Variants in PI4KA observed in about 807,000 individuals in gnomAD.
The protein encoded by PI4KA is phosphatidylinositol 4-kinase alpha, also known as PI4-kinase alpha.
A neutral mutation model predicts 271.4 loss-of-function variants in PI4KA; 122 were observed. The observed-to-expected ratio is 0.45, with a 90% confidence interval of 0.39 to 0.52. The LOEUF is 0.52. PI4KA is among the 20% of genes least tolerant of loss of function. The pLI is 0.00. For missense variants in PI4KA, 1,969 were observed against 2,769.1 expected (o/e 0.71, Z 6.48); for synonymous variants, 1,041 against 1,078.8 (o/e 0.96, Z 0.69).
Position 20,727,255 on chromosome 22 carries a change from AC to A in PI4KA, c.4915del (p.Val1639Ter). On this transcript the variant is annotated frameshift_variant, in exon 41 of 55. Transcript: ENST00000255882. LOFTEE classifies it high-confidence loss of function. The stretch of plus-strand genomic sequence containing the variant: ...CGGAGGGAAGGACCGCAGGACTTTC[AC>A]CCCGTACTGCGCCGTGAGAGGGTGC... The part of the protein sequence containing the change: ...PPHPLTAQYG[V>X]KVLRSFPPDA... 1.2e-6 allele frequency: 2 copies of A among 1,612,998 alleles called. No individual in the cohort carries two copies. The highest frequency in any genetic ancestry group is 2.2e-5 in the South Asian group (2 of 91,014).
intron 28 of PI4KA, 49 bp downstream of exon 28, chr22:20,749,855 TG>T (rs1405440443): frequency 1.8e-6 from 2 of 1,114,696 alleles, no homozygotes; most frequent in Admixed American, 1.7e-5. Flanking sequence ...AAAGCTTTTT[TG>T]GGAGTTTGAA....
At chr22:20,824,732 TCACACACACACACACACACACA>T (rs361914) in intron 3 of PI4KA, among the ~76,000 whole-genome samples, 6 of 136,296 alleles carry the variant, frequency 4.4e-5, no homozygotes, top group Middle Eastern at 3.6e-3. Context: ...ATGTGATAAA[TCACACACACACACACACACACA>T]CACACACACA....
intron 15 of PI4KA, 85 bp downstream of exon 15, chr22:20,799,586 G>A (rs952169226): frequency 5.5e-6 from 5 of 907,750 alleles, no homozygotes; most frequent in African/African-American, 3.3e-5. Flanking sequence ...AAGGACAGAG[G>A]CATGCATACG....
chr22:20,811,850 A>G (rs1921071863), intron 8 of PI4KA, among the ~76,000 whole-genome samples: 1 of 151,862 alleles, frequency 6.6e-6, no homozygotes, highest in South Asian at 2.1e-4. Flanking sequence ...TGTTTCTACT[A>G]AAAATACAAA....
chr22:20,844,835 C>G (rs1386181336), intron 1 of PI4KA, among the ~76,000 whole-genome samples: 2 of 152,148 alleles, frequency 1.3e-5, no homozygotes, highest in Non-Finnish European at 2.9e-5. Flanking sequence ...GAAACAGACA[C>G]AGAGAGGTCA....
Position 20,726,505 on chromosome 22 carries a change from C to G in PI4KA, c.4978G>C (p.Ala1660Pro), listed in dbSNP as rs969455316. ...AGGCTTACCTTGTCGTACCTGAGGG[C>G]CTGCACAATCTGGGGGATGTAGAAG... ...ILFYIPQIVQ[A>P]LRYDKMGYVR... The change falls in exon 42 of 55, where the codon GCC becomes CCC. Residue 1660 changes from alanine (A) to proline (P), a missense_variant. Physicochemically the swap from Ala to Pro is conservative, Grantham distance 27. Around this residue, in one of 13 missense-constraint regions of PI4KA, gnomAD observed 388 missense variants for 521.5 expected, o/e 0.74. Transcript: ENST00000255882. The G allele has an allele frequency of 6.3e-7, 1 of 1,576,392 alleles. No homozygotes were observed. Among genetic ancestry groups the G allele is most frequent in the African/African-American group, 1.4e-5 (1 of 72,128 alleles).
intron 13 of PI4KA, 74 bp downstream of exon 13, chr22:20,803,117 A>G: frequency 6.7e-7 from 1 of 1,497,690 alleles, no homozygotes; most frequent in Non-Finnish European, 9.3e-7. Flanking sequence ...TACAGTCATG[A>G]AACCTGTGTG....
chr22:20,735,483 G>A (rs2147258533), intron 32 of PI4KA, among the ~76,000 whole-genome samples: 1 of 147,752 alleles, frequency 6.8e-6, no homozygotes, highest in South Asian at 2.2e-4. Flanking sequence ...AGGGCTCTCA[G>A]CCAGGGTCCC....
chr22:20,847,561 C>G (rs552664761), intron 1 of PI4KA, among the ~76,000 whole-genome samples: 1 of 152,188 alleles, frequency 6.6e-6, no homozygotes, highest in South Asian at 2.1e-4. Flanking sequence ...CCAAGACCAA[C>G]CTGGAGTACA....
intron 10 of PI4KA, among the ~76,000 whole-genome samples, chr22:20,806,773 T>C (rs13057197): frequency 0.24 from 36,325 of 151,850 alleles, 5,660 homozygotes; most frequent in Non-Finnish European, 0.34. Context: ...CTCTGTCACA[T>C]AGGCTGGAGT....
chr22:20,842,046 T>A (rs546633165), intron 1 of PI4KA, among the ~76,000 whole-genome samples: 2 of 151,916 alleles, frequency 1.3e-5, no homozygotes, highest in African/African-American at 4.8e-5. Context: ...TGAAACCCCA[T>A]CTCTACTAAA....
In PI4KA at chr22:20,725,387, C is replaced by T. The variant is rs370171343; in HGVS notation, c.4995+1101G>A. 138 of 279,384 alleles carry T rather than the reference C, an allele frequency of 4.9e-4. 1 individual carries two copies. The highest frequency in any genetic ancestry group is 3.5e-3 in the South Asian group (113 of 32,256). The allele number at this position is 279,384 out of a possible 1,614,324, so 17.3% of individuals were successfully genotyped here. On this transcript the variant is annotated intron_variant, in intron 42 of 54. Transcript: ENST00000255882. ...CACTTTATGTCCATGGATACTGTTA[C>T]GGGCTGAACTGTGTCCCTTCAAATT...
chr22:20,753,192 A>C lies in PI4KA; in HGVS notation c.2792-12T>G, dbSNP rs373152758. 4 of 1,610,170 alleles carry C rather than the reference A, an allele frequency of 2.5e-6. No individual in the cohort carries two copies. Among genetic ancestry groups the C allele is most frequent in the Non-Finnish European group, 3.4e-6 (4 of 1,177,964 alleles). ...ACACTGCATCATCCCTGAAACGAGA[A>C]GGTTTCCATGGATAAGGTGCAGCAA... is the stretch of plus-strand genomic sequence containing the variant. On this transcript the variant is annotated splice_polypyrimidine_tract_variant and intron_variant, in intron 23 of 54. Coordinates refer to ENST00000255882, the MANE Select transcript of PI4KA (RefSeq NM_058004.4).
chr22:20,829,683 T>C (rs902058533), intron 3 of PI4KA, among the ~76,000 whole-genome samples: 10 of 152,124 alleles, frequency 6.6e-5, no homozygotes, highest in Admixed American at 6.5e-5. Context: ...TAGTTATTTC[T>C]TATCTTCTGC....
intron 19 of PI4KA, among the ~76,000 whole-genome samples, chr22:20,776,457 G>C (rs776683690): frequency 2.0e-5 from 3 of 152,244 alleles, no homozygotes; most frequent in African/African-American, 4.8e-5. Context: ...CAGAAACAAT[G>C]TGACTTTCCT....
At position 20,804,963 on chromosome 22, in the gene PI4KA, G is replaced by A. The variant is rs376770859; in HGVS notation, c.1360+11C>T. On this transcript the variant is annotated intron_variant, in intron 11 of 54. Coordinates refer to ENST00000255882, the MANE Select transcript of PI4KA (RefSeq NM_058004.4). ...TGGAGCTCACATGAGAGGCAAGGCA[G>A]TCTGTCTCACCCTGCTCGTCCTTCA... 1.4e-5 allele frequency: 23 copies of A among 1,599,370 alleles called. No homozygotes were observed. The East Asian group carries it at 2.0e-4, about 14-fold the overall frequency.
chr22:20,840,375 C>T (rs1349268771), intron 1 of PI4KA, among the ~76,000 whole-genome samples: 4 of 152,136 alleles, frequency 2.6e-5, no homozygotes, highest in Non-Finnish European at 5.9e-5. Flanking sequence ...GAGAAGGTCC[C>T]CAGAGGGCCC....
chr22:20,835,560 T>C (rs991198431), intron 2 of PI4KA, among the ~76,000 whole-genome samples: 1 of 151,964 alleles, frequency 6.6e-6, no homozygotes, highest in Non-Finnish European at 1.5e-5. Context: ...GGCAAAACCC[T>C]GTCTCTACTA....
rs771261520 is a variant in PI4KA, at chr22:20,734,434, G to C, written c.3861C>G (p.Pro1287=). 2 of 1,609,700 alleles carry C rather than the reference G, an allele frequency of 1.2e-6. No individual in the cohort carries two copies. The highest frequency in any genetic ancestry group is 3.3e-5 in the Admixed American group (2 of 59,830). The change falls in exon 33 of 55, where the codon CCC becomes CCG. Residue 1287 remains proline, a synonymous_variant. Transcript: ENST00000255882. ...LAASEASQPK[P]CPPEVTPHYI... is the part of the protein sequence containing the mutation. ...AGTGGGGGGTCACTTCGGGGGGACA[G>C]GGTTTGGGTTGACTTGCTTCCGAGG...
Sources: gnomAD v4.1 joint callset for allele counts (sites outside exome capture counted in the v4.1 genomes callset) on GRCh38, gnomAD v4.1.1 for gene constraint, gnomAD v4.1.1 regional missense constraint, MANE v1.5 for transcripts, NCBI Gene and HGNC (gene_info 2026-07-23, HGNC 2026-07-21) for gene names.